Variants in STRA6 observed in about 807,000 individuals in gnomAD.
STRA6 encodes signaling receptor and transporter of retinol STRA6, also known as receptor for retinol uptake STRA6.
In STRA6, 48 loss-of-function variants were observed where a neutral mutation model predicts 83.6. The ratio of observed to expected loss-of-function variants is 0.57; its 90% CI spans 0.46 to 0.73. The LOEUF is 0.73. Ranked by LOEUF, STRA6 falls within the 30% of genes least tolerant of loss-of-function variation. STRA6 has a pLI of 0.00. For missense variants in STRA6, 760 were observed against 838.8 expected (o/e 0.91, Z 1.16); for synonymous variants, 353 against 362.3 (o/e 0.97, Z 0.29).
intron 10 of STRA6, 96 bp from the exon 11 acceptor site, chr15:74,190,997 C>T (rs748835460): frequency 2.5e-6 from 4 of 1,587,634 alleles, no homozygotes; most frequent in East Asian, 4.7e-5. Flanking sequence ...GCCAGCAGGA[C>T]CCTAAATGAC....
At chr15:74,202,429 T>C (rs1240726410) in intron 1 of STRA6, 147 bp from the exon 2 acceptor site, 68 of 1,536,946 alleles carry the variant, frequency 4.4e-5, no homozygotes, top group Non-Finnish European at 5.3e-5. Context: ...TTTAGCTCTC[T>C]GGGAAAAGCC....
chr15:74,182,818 T>C (rs1262156902), intron 14 of STRA6: 8 of 312,446 alleles, frequency 2.6e-5, no homozygotes, highest in Non-Finnish European at 4.3e-5. Context: ...GATGTTTGCA[T>C]TCCTTCAAGC....
chr15:74,209,599 T>G, upstream of STRA6: 1 of 650,740 alleles, frequency 1.5e-6, no homozygotes, highest in Non-Finnish European at 2.6e-6. Flanking sequence ...ATTTCTCACT[T>G]CTCACAGACA....
At chr15:74,191,900 T>G (rs2073561627) in intron 8 of STRA6, 2 of 331,074 alleles carry the variant, frequency 6.0e-6, no homozygotes, top group Non-Finnish European at 1.2e-5. Flanking sequence ...AGAGGGTCAT[T>G]CCAGGTCAGA....
Position 74,182,372 on chromosome 15 carries a change from G to A in STRA6, c.1389C>T (p.Leu463=). 2 of 1,614,054 alleles carry A rather than the reference G, an allele frequency of 1.2e-6. No homozygotes were observed. The highest frequency in any genetic ancestry group is 1.1e-5 in the South Asian group (1 of 91,056). ...AGGACTCCAGGGAACGGAAGAGCAG[G>A]AGGTTCCTGCCATGGAGCACAGGCA... ...VLMPVLHGRN[L]LLFRSLESSW... The change falls in exon 15 of 19, where the codon CTC becomes CTT. Residue 463 remains leucine, a synonymous_variant. Transcript: ENST00000395105.
chr15:74,202,430 G>A (rs1277278027), intron 1 of STRA6, 148 bp from the exon 2 acceptor site: 4 of 1,536,992 alleles, frequency 2.6e-6, no homozygotes, highest in Non-Finnish European at 3.5e-6. Context: ...TTAGCTCTCT[G>A]GGAAAAGCCC....
rs2073183687 is a variant in STRA6 at position 74,185,187 on chromosome 15, C to A, written c.1091-132G>T. ...CAAACTGAACTCTGTGTGGAAGCCTCTTGGCCCCACCCCCAGGTCTCAGAT... is the reference window on the plus strand; with the variant it reads ...CAAACTGAACTCTGTGTGGAAGCCTATTGGCCCCACCCCCAGGTCTCAGAT... On this transcript the variant is annotated intron_variant, in intron 12 of 18. Coordinates refer to ENST00000395105, the MANE Select transcript of STRA6 (RefSeq NM_022369.4). 7.2e-6 allele frequency: 6 copies of A among 838,044 alleles called. No homozygotes were observed. In the South Asian group the frequency reaches 8.6e-5, roughly 12 times the overall value. 51.9% of individuals were successfully genotyped at this position (838,044 alleles called of 1,614,324 possible).
Position 74,195,449 on chromosome 15 carries a change from T to C in STRA6, c.450A>G (p.Gly150=). 1 of 1,613,210 alleles carries C rather than the reference T, an allele frequency of 6.2e-7. No homozygotes were observed. Among genetic ancestry groups the C allele is most frequent in the African/African-American group, 1.3e-5 (1 of 74,900 alleles). The change falls in exon 7 of 19, where the codon GGA becomes GGG. Residue 150 remains glycine, a synonymous_variant. Coordinates refer to ENST00000395105, the MANE Select transcript of STRA6 (RefSeq NM_022369.4). The stretch of plus-strand genomic sequence containing the variant: ...AGTAGAGGGCAGCATAATAGAACAG[T>C]CCCAGTATCTTCCAGGCCCCTGGAA... ...EAPRGAWKIL[G]LFYYAALYYP...
chr15:74,196,025 G>A lies in STRA6; in HGVS notation c.389C>T (p.Ala130Val), dbSNP rs746151472. The A allele has an allele frequency of 8.1e-6, 13 of 1,613,818 alleles. No individual in the cohort carries two copies. In the African/African-American group the frequency reaches 1.3e-4, roughly 17 times the overall value. ...DEDALPFLTL[A>V]SAPSQDGKTE... The stretch of plus-strand genomic sequence containing the variant: ...GTGGGTACCTTGGCTGGGTGCTGAG[G>A]CGAGAGTCAGGAAGGGCAATGCGTC... Residue 130 changes from alanine to valine, a missense_variant, in exon 5 of 19, where the codon GCC becomes GTC. Physicochemically the swap from Ala to Val is moderately conservative, Grantham distance 64. Transcript: ENST00000395105.
In STRA6 at chr15:74,191,913, C is replaced by T. The variant is rs938189300; in HGVS notation, c.721-422G>A. On this transcript the variant is annotated intron_variant, in intron 8 of 18. Coordinates refer to ENST00000395105, the MANE Select transcript of STRA6 (RefSeq NM_022369.4). Reference sequence around the variant, plus strand: ...GAAGAGGGTCATTCCAGGTCAGACACCCTCAGGCTTCTCCTGCTGCCACTG... The same window carrying T: ...GAAGAGGGTCATTCCAGGTCAGACATCCTCAGGCTTCTCCTGCTGCCACTG... 12 of 312,854 alleles carry T rather than the reference C, an allele frequency of 3.8e-5. No homozygotes were observed. In the Admixed American group the frequency reaches 4.9e-4, roughly 13 times the overall value. 19.4% of individuals were successfully genotyped at this position (312,854 alleles called of 1,614,324 possible).
intron 12 of STRA6, among the ~76,000 whole-genome samples, chr15:74,186,092 C>T (rs2073233565): frequency 6.6e-6 from 1 of 152,182 alleles, no homozygotes; most frequent in Non-Finnish European, 1.5e-5. Context: ...TGCTAAAACT[C>T]GCCCATAGCC....
chr15:74,195,394 G>T lies in STRA6; in HGVS notation c.505C>A (p.His169Asn). The change falls in exon 7 of 19, where the codon CAC becomes AAC. Residue 169 changes from histidine (H) to asparagine (N), a missense_variant. Transcript: ENST00000395105. ...YPLAACATAG[H>N]TAAHLLGSTL... ...CTGCCGAGCAGGTGTGCAGCTGTGT[G>T]GCCAGCCGTGGCACAGGCAGCCAGA... The T allele has an allele frequency of 6.2e-7, 1 of 1,613,778 alleles. No individual in the cohort carries two copies. Among genetic ancestry groups the T allele is most frequent in the Non-Finnish European group, 8.5e-7 (1 of 1,180,014 alleles).
At chr15:74,198,502 G>A (rs779070457) in intron 2 of STRA6, among the ~76,000 whole-genome samples, 4 of 152,180 alleles carry the variant, frequency 2.6e-5, no homozygotes, top group South Asian at 2.1e-4. Flanking sequence ...TCTCACAGAC[G>A]TCTTCTCAGA....
upstream of STRA6, chr15:74,212,218 G>A (rs1055342102): frequency 5.2e-5 from 8 of 152,458 alleles, no homozygotes; most frequent in Admixed American, 6.5e-5. Context: ...CACCGTCTCA[G>A]GGGTTTGTGC....
At chr15:74,207,751 C>A, upstream of STRA6, 1 of 1,535,724 alleles carries the variant, frequency 6.5e-7, no homozygotes, top group Non-Finnish European at 8.7e-7. Flanking sequence ...GAGAGTCAAC[C>A]TCATGCGGGC....
At chr15:74,183,658 G>A in intron 14 of STRA6, 198 bp downstream of exon 14, 2 of 1,489,512 alleles carry the variant, frequency 1.3e-6, no homozygotes, top group Non-Finnish European at 1.8e-6. Context: ...ATTTCCCGAG[G>A]GCTCCTGTAC....
intron 8 of STRA6, chr15:74,191,732 G>A (rs2073552175): frequency 1.5e-5 from 9 of 590,980 alleles, no homozygotes; most frequent in Non-Finnish European, 2.7e-5. Flanking sequence ...TCAATGCCAG[G>A]AAGTTCTTCC....
Position 74,196,009 on chromosome 15 carries a change from T to C in STRA6, c.405A>G (p.Gln135=). ...PFLTLASAPS[Q]DGKTEAPRGA... is the part of the protein sequence containing the mutation. ...CAGGGCCTGGGGGTCAGTGGGTACC[T>C]TGGCTGGGTGCTGAGGCGAGAGTCA... The change falls in exon 5 of 19, where the codon CAA becomes CAG. Residue 135 remains glutamine (Q), a splice_region_variant and synonymous_variant. Transcript: ENST00000395105. 2 of 1,613,790 alleles carry C rather than the reference T, an allele frequency of 1.2e-6. No individual in the cohort carries two copies. Among genetic ancestry groups the C allele is most frequent in the Non-Finnish European group, 1.7e-6 (2 of 1,179,904 alleles).
intron 7 of STRA6, 112 bp from the exon 8 acceptor site, chr15:74,194,034 C>A: frequency 6.5e-7 from 1 of 1,530,148 alleles, no homozygotes; most frequent in Non-Finnish European, 9.0e-7. Flanking sequence ...GTCTGGGGGG[C>A]CATGGGAAGG....
Sources: allele counts gnomAD v4.1 joint callset (sites outside exome capture counted in the v4.1 genomes callset), GRCh38; gene constraint gnomAD v4.1.1; transcripts MANE v1.5; gene names NCBI Gene and HGNC (gene_info 2026-07-23, HGNC 2026-07-21).